Variants in GABRG3 observed in about 807,000 individuals in gnomAD.
GABRG3 encodes gamma-aminobutyric acid receptor subunit gamma-3.
GABRG3 carries 25 observed loss-of-function variants against 48.8 expected under a neutral mutation model. That is an observed-to-expected ratio of 0.51 (90% CI 0.37 to 0.72). GABRG3 has a LOEUF of 0.72. Ranked by LOEUF, GABRG3 falls within the 30% of genes least tolerant of loss-of-function variation. GABRG3 has a pLI of 0.00. For missense variants in GABRG3, 394 were observed against 577.9 expected (o/e 0.68, Z 3.26); for synonymous variants, 227 against 217.6 (o/e 1.04, Z -0.38).
chr15:27,228,800 G>A (rs748561040), intron 3 of GABRG3, among the ~76,000 whole-genome samples: 11 of 152,074 alleles, frequency 7.2e-5, no homozygotes, highest in Non-Finnish European at 1.5e-4. Context: ...TTTGATTTGC[G>A]TTTGTCTAAT....
chr15:27,464,845 T>C (rs1226833997), intron 5 of GABRG3, among the ~76,000 whole-genome samples: 1 of 152,260 alleles, frequency 6.6e-6, no homozygotes, highest in Admixed American at 6.5e-5. Context: ...TCTTCATATA[T>C]TCTGGGTGAA....
At chr15:27,410,898 T>C (rs1248899880) in intron 5 of GABRG3, among the ~76,000 whole-genome samples, 1 of 150,808 alleles carries the variant, frequency 6.6e-6, no homozygotes, top group East Asian at 2.0e-4. Flanking sequence ...GTTGGAATGC[T>C]TTCAGTGCTT....
intron 3 of GABRG3, among the ~76,000 whole-genome samples, chr15:27,215,847 C>T (rs1286823731): frequency 6.6e-6 from 1 of 152,172 alleles, no homozygotes; most frequent in Non-Finnish European, 1.5e-5. Context: ...CATGTCCTCT[C>T]CTTCCAAGTA....
intron 5 of GABRG3, chr15:27,365,334 C>CACACAT (rs200446254): frequency 1.4e-5 from 2 of 143,158 alleles, no homozygotes; most frequent in African/African-American, 5.3e-5. Flanking sequence ...CACACACACA[C>CACACAT]ACACATATTA....
chr15:27,219,784 C>T (rs937512552), intron 3 of GABRG3, among the ~76,000 whole-genome samples: 1 of 152,220 alleles, frequency 6.6e-6, no homozygotes, highest in Non-Finnish European at 1.5e-5. Context: ...CTCGCCTTGC[C>T]TATAAAACAT....
At chr15:27,138,641 C>A (rs1898050444) in intron 3 of GABRG3, among the ~76,000 whole-genome samples, 1 of 152,204 alleles carries the variant, frequency 6.6e-6, no homozygotes, top group Admixed American at 6.5e-5. Context: ...TTTCTTCACC[C>A]TGAAGTGTTG....
At chr15:27,421,139 G>A (rs1297542574) in intron 5 of GABRG3, among the ~76,000 whole-genome samples, 1 of 152,170 alleles carries the variant, frequency 6.6e-6, no homozygotes, top group Non-Finnish European at 1.5e-5. Context: ...GATGACACAT[G>A]CTGCTCACCA....
At chr15:27,281,577 A>G (rs1238582795) in intron 3 of GABRG3, among the ~76,000 whole-genome samples, 1 of 151,600 alleles carries the variant, frequency 6.6e-6, no homozygotes, top group African/African-American at 2.4e-5. Flanking sequence ...TACATGATAC[A>G]TATACAACTT....
chr15:27,335,805 A>C (rs1031988273), intron 5 of GABRG3, among the ~76,000 whole-genome samples: 1 of 152,190 alleles, frequency 6.6e-6, no homozygotes, highest in African/African-American at 2.4e-5. Context: ...AAAATGATTA[A>C]AATGATACAT....
intron 6 of GABRG3, among the ~76,000 whole-genome samples, chr15:27,508,407 C>T (rs1400706090): frequency 6.6e-6 from 1 of 152,028 alleles, no homozygotes; most frequent in Non-Finnish European, 1.5e-5. Context: ...ACAGTATATT[C>T]CCTATTACTT....
chr15:27,026,954 A>T (rs1895995297), intron 3 of GABRG3, 133 bp downstream of exon 3: 3 of 521,568 alleles, frequency 5.8e-6, no homozygotes, highest in Non-Finnish European at 9.8e-6. Flanking sequence ...TGTAACACTT[A>T]TTGGAATATT....
intron 5 of GABRG3, among the ~76,000 whole-genome samples, chr15:27,477,877 C>CA (rs990384468): frequency 5.9e-5 from 9 of 151,848 alleles, no homozygotes; most frequent in South Asian, 4.2e-4. Context: ...CGTCTCTACC[C>CA]AAAATACAAA....
chr15:27,418,795 G>A (rs1595741611), intron 5 of GABRG3: 1 of 152,214 alleles, frequency 6.6e-6, no homozygotes, highest in African/African-American at 2.4e-5. Flanking sequence ...ACAAATGGAA[G>A]CAATCTTTAA....
intron 3 of GABRG3, among the ~76,000 whole-genome samples, chr15:27,097,468 T>C (rs1338086727): frequency 6.6e-6 from 1 of 152,102 alleles, no homozygotes; most frequent in East Asian, 1.9e-4. Context: ...TCTCCTTCCC[T>C]CCTTCCCTCC....
At chr15:27,055,334 C>T (rs1896527434) in intron 3 of GABRG3, among the ~76,000 whole-genome samples, 1 of 152,052 alleles carries the variant, frequency 6.6e-6, no homozygotes. Flanking sequence ...ATCTGTAACT[C>T]GGGGAAATTA....
At chr15:27,117,565 A>G (rs889141541) in intron 3 of GABRG3, among the ~76,000 whole-genome samples, 4 of 152,200 alleles carry the variant, frequency 2.6e-5, no homozygotes, top group Non-Finnish European at 5.9e-5. Context: ...ACTCTCTCAA[A>G]AACGTCATAG....
At position 27,307,091 on chromosome 15, in the gene GABRG3, CAT is replaced by C. The variant is rs374406888; in HGVS notation, c.271-19714_271-19713del. ...TAATATAAACATGTTTATATATAAA[CAT>C]ATAATATAAACATGTTTATATATAA... On this transcript the variant is annotated intron_variant, in intron 3 of 9. Transcript: ENST00000615808. 2.7e-3 allele frequency among the ~76,000 whole-genome samples: 309 copies of C among 116,398 alleles called. 10 individuals carry two copies. The highest frequency in any genetic ancestry group is 0.011 in the African/African-American group (244 of 22,840). 76.4% of individuals were successfully genotyped at this position (116,398 alleles called of 152,430 possible). A position where few individuals can be genotyped will look rare whatever the true frequency, so the allele number is the denominator to read the frequency against.
intron 3 of GABRG3, among the ~76,000 whole-genome samples, chr15:27,281,601 G>A (rs779493588): frequency 2.7e-4 from 41 of 150,416 alleles, no homozygotes; most frequent in Non-Finnish European, 5.8e-4. Flanking sequence ...AAAATCTGTT[G>A]GTACTTTGTA....
At chr15:27,293,931 T>G (rs1891889387) in intron 3 of GABRG3, among the ~76,000 whole-genome samples, 1 of 152,130 alleles carries the variant, frequency 6.6e-6, no homozygotes, top group Non-Finnish European at 1.5e-5. Flanking sequence ...AAAGTAAAGA[T>G]TATAAATAAG....
Sources: gnomAD v4.1 joint callset for allele counts (sites outside exome capture counted in the v4.1 genomes callset) on GRCh38, gnomAD v4.1.1 for gene constraint, MANE v1.5 for transcripts, NCBI Gene and HGNC (gene_info 2026-07-23, HGNC 2026-07-21) for gene names.